Variants in LRMDA observed in about 807,000 individuals in gnomAD.
The protein encoded by LRMDA is leucine rich melanocyte differentiation associated.
In LRMDA, 18 loss-of-function variants were observed where a neutral mutation model predicts 29.8. The observed-to-expected ratio is 0.60, with a 90% CI of 0.42 to 0.90. The LOEUF is 0.90. Ranked by LOEUF, LRMDA falls within the 40% of genes least tolerant of loss-of-function variation. The pLI is 0.00. For synonymous variants in LRMDA, 125 were observed against 109.4 expected (o/e 1.14, Z -0.89); for missense variants, 273 against 273.9 (o/e 1.00, Z 0.02).
chr10:75,522,383 C>T (rs548503974), intron 2 of LRMDA, among the ~76,000 whole-genome samples: 1 of 152,276 alleles, frequency 6.6e-6, no homozygotes, highest in South Asian at 2.1e-4. Flanking sequence ...GTGCAGAGAA[C>T]ATGAAAGAGC....
In LRMDA at chr10:75,884,818, G is replaced by A. The variant is rs75495209; in HGVS notation, c.132-151190G>A. 8.1e-3 allele frequency among the ~76,000 whole-genome samples: 1,236 copies of A among 152,340 alleles called. 21 individuals are homozygous for A. The highest frequency in any genetic ancestry group is 0.029 in the African/African-American group (1,186 of 41,576). On this transcript the variant is annotated intron_variant, in intron 2 of 6. Coordinates refer to ENST00000611255, the MANE Select transcript of LRMDA (RefSeq NM_001305581.2). ...GAAGGGGACCATTGTGGTCATGGAA[G>A]TCATGAGCATCATTTTCCAGTTTAG... is the stretch of plus-strand genomic sequence containing the variant.
intron 2 of LRMDA, among the ~76,000 whole-genome samples, chr10:75,504,804 A>G (rs1282879790): frequency 6.6e-6 from 1 of 152,196 alleles, no homozygotes; most frequent in African/African-American, 2.4e-5. Context: ...AGGTGTGTAT[A>G]AAGATTTTTA....
chr10:75,500,975 C>T (rs1845106673), intron 2 of LRMDA, among the ~76,000 whole-genome samples: 1 of 152,178 alleles, frequency 6.6e-6, no homozygotes, highest in South Asian at 2.1e-4. Context: ...TTGTCAGTCT[C>T]CTGGACAGAT....
intron 2 of LRMDA, among the ~76,000 whole-genome samples, chr10:75,586,011 C>G (rs1386953506): frequency 6.6e-6 from 1 of 151,936 alleles, no homozygotes; most frequent in Admixed American, 6.6e-5. Context: ...AATTTCCTCC[C>G]TTTTTTTTAA....
chr10:75,961,686 A>G (rs960942993), intron 2 of LRMDA, among the ~76,000 whole-genome samples: 2 of 152,220 alleles, frequency 1.3e-5, no homozygotes, highest in African/African-American at 4.8e-5. Flanking sequence ...CTGCTTCATA[A>G]CAGCCCATCA....
chr10:75,510,848 A>T (rs903688547), intron 2 of LRMDA, among the ~76,000 whole-genome samples: 4 of 152,168 alleles, frequency 2.6e-5, no homozygotes, highest in African/African-American at 9.7e-5. Flanking sequence ...AGAGTGGGTC[A>T]TCCTTTTCTG....
At chr10:75,546,161 A>C (rs1170262163) in intron 2 of LRMDA, among the ~76,000 whole-genome samples, 1 of 152,164 alleles carries the variant, frequency 6.6e-6, no homozygotes, top group Non-Finnish European at 1.5e-5. Flanking sequence ...AGTGTTGACC[A>C]GTGTTGGGCA....
chr10:76,387,603 A>G (rs983899965), intron 6 of LRMDA, among the ~76,000 whole-genome samples: 33 of 138,748 alleles, frequency 2.4e-4, no homozygotes, highest in African/African-American at 9.3e-4. Context: ...ACACTGTTTC[A>G]AAAAAAAAAA....
At chr10:76,126,160 GC>G (rs1849879344) in intron 5 of LRMDA, among the ~76,000 whole-genome samples, 1 of 152,178 alleles carries the variant, frequency 6.6e-6, no homozygotes, top group Non-Finnish European at 1.5e-5. Context: ...CATGAGAAAA[GC>G]CTGCTCTAGG....
chr10:75,583,800 A>G (rs1001105290), intron 2 of LRMDA, among the ~76,000 whole-genome samples: 2 of 151,870 alleles, frequency 1.3e-5, no homozygotes, highest in Admixed American at 1.3e-4. Flanking sequence ...TTAAGTCCCA[A>G]TTTTACCACC....
intron 2 of LRMDA, among the ~76,000 whole-genome samples, chr10:75,605,662 T>C (rs1281250208): frequency 6.6e-6 from 1 of 152,208 alleles, no homozygotes; most frequent in Non-Finnish European, 1.5e-5. Context: ...TGAAAATAAT[T>C]ATCAGTATTT....
chr10:76,394,947 A>G (rs1392438390), intron 6 of LRMDA, among the ~76,000 whole-genome samples: 1 of 152,194 alleles, frequency 6.6e-6, no homozygotes, highest in Non-Finnish European at 1.5e-5. Flanking sequence ...TCAAAACAGC[A>G]AAAGAGATGT....
chr10:76,115,933 G>A (rs989315844), intron 5 of LRMDA, among the ~76,000 whole-genome samples: 1 of 152,174 alleles, frequency 6.6e-6, no homozygotes, highest in Non-Finnish European at 1.5e-5. Context: ...GAATGGAAAC[G>A]AGGAAGAATC....
At chr10:76,280,626 T>C (rs1840190805) in intron 5 of LRMDA, among the ~76,000 whole-genome samples, 1 of 152,122 alleles carries the variant, frequency 6.6e-6, no homozygotes, top group African/African-American at 2.4e-5. Flanking sequence ...TGGGAGAGAA[T>C]GTATTTGCCT....
intron 2 of LRMDA, among the ~76,000 whole-genome samples, chr10:75,452,575 C>CTTG (rs553235643): frequency 8.5e-6 from 1 of 117,330 alleles, no homozygotes; most frequent in Non-Finnish European, 1.7e-5. Flanking sequence ...CAGGATATGA[C>CTTG]TTTTTTTTTT....
chr10:75,871,359 G>A (rs1005950792), intron 2 of LRMDA, among the ~76,000 whole-genome samples: 1 of 152,168 alleles, frequency 6.6e-6, no homozygotes, highest in Non-Finnish European at 1.5e-5. Flanking sequence ...GTTCAGTGTA[G>A]CCTGCAAGTG....
At chr10:75,548,654 G>A (rs1840107917) in intron 2 of LRMDA, among the ~76,000 whole-genome samples, 1 of 152,028 alleles carries the variant, frequency 6.6e-6, no homozygotes, top group Admixed American at 6.6e-5. Context: ...GATGCTGGGT[G>A]GCTCATTACA....
At chr10:76,488,432 T>A (rs1415383155) in intron 6 of LRMDA, among the ~76,000 whole-genome samples, 1 of 150,904 alleles carries the variant, frequency 6.6e-6, no homozygotes, top group Admixed American at 6.6e-5. Flanking sequence ...CAATATGTAC[T>A]GTTTTTTCTG....
intron 2 of LRMDA, among the ~76,000 whole-genome samples, chr10:75,748,186 C>G (rs1421845794): frequency 1.3e-5 from 2 of 152,092 alleles, no homozygotes; most frequent in Non-Finnish European, 2.9e-5. Context: ...CTCTGCCTCC[C>G]AGGTTCAAGT....
Sources: gnomAD v4.1 joint callset for allele counts (sites outside exome capture counted in the v4.1 genomes callset) on GRCh38, gnomAD v4.1.1 for gene constraint, MANE v1.5 for transcripts, NCBI Gene and HGNC (gene_info 2026-07-23, HGNC 2026-07-21) for gene names.